CALN1: variants seen among roughly 807,000 people sequenced by gnomAD.
CALN1 encodes the protein calneuron 1, also known as calcium-binding protein 8.
A neutral mutation model predicts 30.6 loss-of-function variants in CALN1; 17 were observed. The observed-to-expected ratio is 0.56, with a 90% confidence interval of 0.38 to 0.83. The LOEUF is 0.83. CALN1 is among the 40% of genes least tolerant of loss of function. The pLI is 0.00. For synonymous variants in CALN1, 156 were observed against 131.4 expected (o/e 1.19, Z -1.28); for missense variants, 291 against 354.9 (o/e 0.82, Z 1.45).
intron 5 of CALN1, among the ~76,000 whole-genome samples, chr7:71,843,974 G>A (rs1001826136): frequency 6.6e-6 from 1 of 152,014 alleles, no homozygotes; most frequent in Non-Finnish European, 1.5e-5. Context: ...CTAAATGCAC[G>A]TTACTCAGGA....
intron 5 of CALN1, among the ~76,000 whole-genome samples, chr7:71,847,746 GA>G (rs1562835397): frequency 9.0e-5 from 11 of 122,166 alleles, no homozygotes; most frequent in African/African-American, 3.1e-4. Flanking sequence ...GAAGAAAGAA[GA>G]AGAAAGAAGA....
chr7:72,356,811 T>A (rs1028331661), intron 2 of CALN1, among the ~76,000 whole-genome samples: 3 of 151,536 alleles, frequency 2.0e-5, no homozygotes, highest in Non-Finnish European at 2.9e-5. Flanking sequence ...ATTAGGAAAA[T>A]GAGTATATTA....
At chr7:72,420,282 G>A (rs1426090887) in intron 1 of CALN1, among the ~76,000 whole-genome samples, 2 of 152,136 alleles carry the variant, frequency 1.3e-5, no homozygotes, top group Non-Finnish European at 2.9e-5. Context: ...ACGATCTAAA[G>A]TGGTCCATCC....
intron 3 of CALN1, among the ~76,000 whole-genome samples, chr7:72,257,132 A>C (rs574611371): frequency 2.6e-4 from 40 of 152,328 alleles, no homozygotes; most frequent in African/African-American, 7.9e-4. Context: ...GGCAAGAGAG[A>C]GAGCGTGCAC....
At chr7:71,907,239 A>AACACACACACACACACACACACAC (rs71531773) in intron 5 of CALN1, among the ~76,000 whole-genome samples, 166 of 147,824 alleles carry the variant, frequency 1.1e-3, no homozygotes, top group African/African-American at 3.9e-3. Flanking sequence ...ATGAGGTTTA[A>AACACACACACACACACACACACAC]ACACACACAC....
chr7:72,297,982 G>A (rs930131379), intron 2 of CALN1, among the ~76,000 whole-genome samples: 12 of 152,190 alleles, frequency 7.9e-5, no homozygotes, highest in African/African-American at 2.9e-4. Flanking sequence ...ACTTTACAGA[G>A]TAGAGTTTGT....
At chr7:72,210,719 A>G (rs1585174779) in intron 3 of CALN1, among the ~76,000 whole-genome samples, 1 of 151,972 alleles carries the variant, frequency 6.6e-6, no homozygotes, top group Admixed American at 6.6e-5. Context: ...ATTATTTAAT[A>G]CCTCCACCTG....
intron 3 of CALN1, among the ~76,000 whole-genome samples, chr7:72,178,421 G>A (rs141787419): frequency 6.8e-4 from 103 of 152,190 alleles, no homozygotes; most frequent in Non-Finnish European, 1.3e-3. Context: ...GGCCAGGAGC[G>A]GTGGCTCATG....
intron 3 of CALN1, among the ~76,000 whole-genome samples, chr7:72,215,367 G>T (rs1792713345): frequency 1.3e-5 from 2 of 152,260 alleles, no homozygotes; most frequent in South Asian, 4.1e-4. Flanking sequence ...GCCGAGGTGG[G>T]CAGATCACCT....
At chr7:72,317,071 AGACACAGAAAGAG>A (rs1317368500) in intron 2 of CALN1, among the ~76,000 whole-genome samples, 33 of 119,956 alleles carry the variant, frequency 2.8e-4, no homozygotes, top group Admixed American at 6.7e-4. Context: ...AGAGAAAGAG[AGACACAGAAAGAG>A]AGAGAGAGAG....
At chr7:72,314,662 G>A (rs996697252) in intron 2 of CALN1, among the ~76,000 whole-genome samples, 2 of 151,484 alleles carry the variant, frequency 1.3e-5, no homozygotes, top group African/African-American at 2.4e-5. Context: ...TGATCTGCCC[G>A]CCTTGTCTGC....
intron 5 of CALN1, among the ~76,000 whole-genome samples, chr7:71,876,595 T>A (rs1792257602): frequency 6.6e-6 from 1 of 152,224 alleles, no homozygotes; most frequent in Admixed American, 6.5e-5. Context: ...TATTGATTCT[T>A]TGTAATACAT....
chr7:71,871,554 G>A (rs1015697015), intron 5 of CALN1, among the ~76,000 whole-genome samples: 2 of 152,118 alleles, frequency 1.3e-5, no homozygotes, highest in Admixed American at 6.6e-5. Flanking sequence ...TTTGTGACCA[G>A]CTTGTACAAC....
At chr7:72,273,011 G>A (rs1344133629) in intron 3 of CALN1, among the ~76,000 whole-genome samples, 2 of 151,866 alleles carry the variant, frequency 1.3e-5, no homozygotes, top group African/African-American at 4.8e-5. Context: ...GGAGAATTCT[G>A]TGGCATAGGG....
At chr7:71,829,234 G>A (rs1350071213) in intron 5 of CALN1, among the ~76,000 whole-genome samples, 1 of 152,140 alleles carries the variant, frequency 6.6e-6, no homozygotes, top group Admixed American at 6.6e-5. Flanking sequence ...ATGTAATCAT[G>A]TAAGACTGGG....
chr7:72,053,072 A>G (rs568059098), intron 4 of CALN1, among the ~76,000 whole-genome samples: 180 of 152,208 alleles, frequency 1.2e-3, no homozygotes, highest in Non-Finnish European at 2.2e-3. Context: ...TCTACTAAAA[A>G]TACAAAAATT....
chr7:72,185,141 A>G (rs1176011179), intron 3 of CALN1, among the ~76,000 whole-genome samples: 2 of 151,876 alleles, frequency 1.3e-5, no homozygotes, highest in African/African-American at 4.8e-5. Context: ...GAAATTTGCA[A>G]TTTGTGTGCA....
At chr7:72,054,508 T>TAC (rs1584842865) in intron 4 of CALN1, among the ~76,000 whole-genome samples, 9 of 114,990 alleles carry the variant, frequency 7.8e-5, no homozygotes, top group East Asian at 7.9e-4. Flanking sequence ...TACATATATA[T>TAC]ACATATATAT....
chr7:72,483,566 T>C, the CALN1 span, among the ~76,000 whole-genome samples: 1 of 152,230 alleles, frequency 6.6e-6, no homozygotes, highest in African/African-American at 2.4e-5. Context: ...ATTACAGGCG[T>C]GAGCCACCAC....
Sources: gnomAD v4.1 joint callset for allele counts (sites outside exome capture counted in the v4.1 genomes callset) on GRCh38, gnomAD v4.1.1 for gene constraint, MANE v1.5 for transcripts, NCBI Gene and HGNC (gene_info 2026-07-23, HGNC 2026-07-21) for gene names.